The following MAP4K4 variants were observed in gnomAD, a reference collection of about 807,000 sequenced individuals.
MAP4K4 encodes the protein mitogen-activated protein kinase kinase kinase kinase 4.
In MAP4K4, 38 loss-of-function variants were observed where a neutral mutation model predicts 189.6. That is an observed-to-expected ratio of 0.20 (90% confidence interval 0.15 to 0.26). MAP4K4 has a LOEUF of 0.26. Among genes scored for constraint, MAP4K4 ranks in the 10% least tolerant of loss-of-function variants. The probability of loss-of-function intolerance (pLI) is 1.00; values close to 1 mark genes in which losing one functional copy is unlikely to be tolerated. For synonymous variants in MAP4K4, 610 were observed against 624.3 expected (o/e 0.98, Z 0.34); for missense variants, 1,054 against 1,726.9 (o/e 0.61, Z 6.91).
chr2:101,780,120 T>G (rs186794297), intron 2 of MAP4K4, among the ~76,000 whole-genome samples: 5 of 152,246 alleles, frequency 3.3e-5, no homozygotes, highest in African/African-American at 4.8e-5. Flanking sequence ...TCACGGGCAG[T>G]GTATTTTAGA....
Position 101,856,611 on chromosome 2 carries a change from T to TA in MAP4K4, c.1395+480dup, listed in dbSNP as rs568391105. On this transcript the variant is annotated intron_variant, in intron 13 of 32. Transcript: ENST00000324219. ...GTAATTCTGTATATACACAGCACATTAAAAAAACTAACATTGATGAGTTCA... is the reference window on the plus strand; with the variant it reads ...GTAATTCTGTATATACACAGCACATTAAAAAAAACTAACATTGATGAGTTCA... Among the ~76,000 whole-genome samples the TA allele has an allele frequency of 1.3e-3, 194 of 152,298 alleles. 1 individual carries two copies. Among genetic ancestry groups the TA allele is most frequent in the African/African-American group, 4.6e-3 (190 of 41,572 alleles).
At chr2:101,713,875 C>T (rs1189467871) in intron 2 of MAP4K4, among the ~76,000 whole-genome samples, 4 of 152,088 alleles carry the variant, frequency 2.6e-5, no homozygotes, top group African/African-American at 9.7e-5. Flanking sequence ...GCCTGGGTGA[C>T]AGAGCGAGAC....
intron 6 of MAP4K4, among the ~76,000 whole-genome samples, chr2:101,831,182 G>C (rs1336729859): frequency 2.6e-5 from 4 of 152,174 alleles, no homozygotes; most frequent in Non-Finnish European, 5.9e-5. Context: ...AGAAGTCACT[G>C]AAAAATCAGC....
At chr2:101,850,173 A>G (rs1387079890) in intron 12 of MAP4K4, among the ~76,000 whole-genome samples, 1 of 152,208 alleles carries the variant, frequency 6.6e-6, no homozygotes, top group African/African-American at 2.4e-5. Flanking sequence ...AAGAGGACAC[A>G]GAGTAACATT....
intron 2 of MAP4K4, among the ~76,000 whole-genome samples, chr2:101,776,955 A>G (rs376135512): frequency 3.9e-5 from 6 of 152,046 alleles, no homozygotes; most frequent in East Asian, 1.9e-4. Flanking sequence ...TTTTCTGACT[A>G]TTGTCCTTAT....
intron 3 of MAP4K4, among the ~76,000 whole-genome samples, chr2:101,807,160 C>T (rs1458745511): frequency 6.6e-6 from 1 of 151,902 alleles, no homozygotes; most frequent in African/African-American, 2.4e-5. Flanking sequence ...TCACAGTTCT[C>T]CCACTTCGGC....
intron 3 of MAP4K4, among the ~76,000 whole-genome samples, chr2:101,796,197 A>AAAGCAGG (rs2093668534): frequency 6.6e-6 from 1 of 152,194 alleles, no homozygotes; most frequent in African/African-American, 2.4e-5. Context: ...ACTCGGGCAT[A>AAAGCAGG]GGATGCTGTT....
intron 2 of MAP4K4, among the ~76,000 whole-genome samples, chr2:101,740,983 A>G (rs900882281): frequency 2.0e-5 from 3 of 152,138 alleles, no homozygotes; most frequent in Non-Finnish European, 4.4e-5. Context: ...CATTGCTACA[A>G]ATGATGAGAC....
intron 30 of MAP4K4, 87 bp from the exon 31 acceptor site, chr2:101,887,691 G>T: frequency 1.1e-6 from 1 of 912,906 alleles, no homozygotes; most frequent in Non-Finnish European, 1.7e-6. Context: ...TGGTACCAGT[G>T]CATTCACTAA....
chr2:101,889,407 C>A (rs1240891496), intron 32 of MAP4K4, among the ~76,000 whole-genome samples: 1 of 152,172 alleles, frequency 6.6e-6, no homozygotes, highest in East Asian at 1.9e-4. Flanking sequence ...CAGTAAAAAT[C>A]ATCTTATGCA....
chr2:101,848,245 T>C (rs2097171641), intron 12 of MAP4K4, among the ~76,000 whole-genome samples: 1 of 152,220 alleles, frequency 6.6e-6, no homozygotes, highest in African/African-American at 2.4e-5. Flanking sequence ...TGCAAATACC[T>C]GTTACACTAT....
intron 2 of MAP4K4, among the ~76,000 whole-genome samples, chr2:101,751,722 T>G (rs2069098159): frequency 6.6e-6 from 1 of 152,052 alleles, no homozygotes; most frequent in South Asian, 2.1e-4. Flanking sequence ...TAAACTGGCT[T>G]TCATTTAAAA....
chr2:101,708,407 C>T (rs1410512259), intron 2 of MAP4K4, among the ~76,000 whole-genome samples: 2 of 152,174 alleles, frequency 1.3e-5, no homozygotes, highest in Non-Finnish European at 2.9e-5. Flanking sequence ...TGCGTAACCT[C>T]TGTGACCTTA....
intron 28 of MAP4K4, among the ~76,000 whole-genome samples, chr2:101,884,302 G>GTGTGT (rs768892730): frequency 2.0e-5 from 3 of 152,184 alleles, no homozygotes; most frequent in Non-Finnish European, 2.9e-5. Context: ...ATAGCCCCAT[G>GTGTGT]TGTGTGGTGG....
chr2:101,785,945 C>T (rs1435066313), intron 2 of MAP4K4, among the ~76,000 whole-genome samples: 1 of 152,102 alleles, frequency 6.6e-6, no homozygotes, highest in Non-Finnish European at 1.5e-5. Flanking sequence ...GTGTCTCAGC[C>T]TCCCCGAGTA....
At chr2:101,726,361 C>T (rs1165410212) in intron 2 of MAP4K4, among the ~76,000 whole-genome samples, 2 of 152,278 alleles carry the variant, frequency 1.3e-5, no homozygotes, top group South Asian at 2.1e-4. Context: ...AGTGGTCTGT[C>T]ATGGGTGGTT....
chr2:101,775,591 C>G (rs1558862887), intron 2 of MAP4K4, among the ~76,000 whole-genome samples: 1 of 152,092 alleles, frequency 6.6e-6, no homozygotes, highest in African/African-American at 2.4e-5. Context: ...TGTGCAGGCC[C>G]TGGGCTAGTG....
intron 18 of MAP4K4, 126 bp from the exon 19 acceptor site, chr2:101,866,302 T>C: frequency 1.3e-6 from 1 of 762,956 alleles, no homozygotes; most frequent in Non-Finnish European, 2.1e-6. Flanking sequence ...GAGTGCTGTT[T>C]ATAGACTGTT....
intron 2 of MAP4K4, among the ~76,000 whole-genome samples, chr2:101,777,424 G>T (rs1050617930): frequency 2.0e-5 from 3 of 152,182 alleles, no homozygotes; most frequent in African/African-American, 7.2e-5. Flanking sequence ...TATGGGTAGT[G>T]GAGCTAGCGT....
Sources: allele counts gnomAD v4.1 joint callset (sites outside exome capture counted in the v4.1 genomes callset), GRCh38; gene constraint gnomAD v4.1.1; transcripts MANE v1.5; gene names NCBI Gene and HGNC (gene_info 2026-07-23, HGNC 2026-07-21).